Variants in CNTNAP2 observed in about 807,000 individuals in gnomAD.
CNTNAP2 encodes contactin associated protein 2.
CNTNAP2 carries 98 observed loss-of-function variants against 155.2 expected under a neutral mutation model. That is an observed-to-expected ratio of 0.63 (90% CI 0.54 to 0.75). The LOEUF is 0.75. Among genes scored for constraint, CNTNAP2 ranks in the 30% least tolerant of loss-of-function variants. The pLI is 0.00. For missense variants in CNTNAP2, 1,727 were observed against 1,688.1 expected (o/e 1.02, Z -0.40); for synonymous variants, 651 against 631.2 (o/e 1.03, Z -0.47).
At chr7:147,392,762 T>G (rs1796742429) in intron 9 of CNTNAP2, among the ~76,000 whole-genome samples, 1 of 152,030 alleles carries the variant, frequency 6.6e-6, no homozygotes, top group African/African-American at 2.4e-5. Flanking sequence ...GCAGCACAAT[T>G]CACAATTGCA....
intron 1 of CNTNAP2, among the ~76,000 whole-genome samples, chr7:146,539,410 A>C (rs1463680199): frequency 1.3e-5 from 2 of 152,052 alleles, no homozygotes; most frequent in Non-Finnish European, 2.9e-5. Flanking sequence ...CAACCCATCC[A>C]AGCAGAAAAT....
intron 3 of CNTNAP2, among the ~76,000 whole-genome samples, chr7:146,945,361 T>C (rs1013225016): frequency 6.6e-6 from 1 of 152,210 alleles, no homozygotes; most frequent in Non-Finnish European, 1.5e-5. Flanking sequence ...GGCACGTTTT[T>C]CTGTCTCAAC....
chr7:147,984,018 A>C (rs1801576601), intron 15 of CNTNAP2, among the ~76,000 whole-genome samples: 1 of 152,214 alleles, frequency 6.6e-6, no homozygotes, highest in African/African-American at 2.4e-5. Flanking sequence ...TCATTTCAAA[A>C]TATGGCAAAG....
intron 1 of CNTNAP2, among the ~76,000 whole-genome samples, chr7:146,766,073 TC>T (rs1169786234): frequency 4.6e-5 from 7 of 152,228 alleles, no homozygotes; most frequent in African/African-American, 1.7e-4. Flanking sequence ...CAGGAAGCCT[TC>T]AGGGCATGGC....
intron 20 of CNTNAP2, among the ~76,000 whole-genome samples, chr7:148,266,309 G>A (rs1563017928): frequency 6.6e-6 from 1 of 152,198 alleles, no homozygotes; most frequent in Non-Finnish European, 1.5e-5. Context: ...CATCTAGACT[G>A]TATAGGTGGT....
Position 146,936,055 on chromosome 7 carries a change from G to C in CNTNAP2, c.402+96151G>C, listed in dbSNP as rs115133434. ...GAGCTGAAAGAACTATGCAACCATGGGAAAACCGTAATCTATGAATGAGGT... is the reference window on the plus strand; with the variant it reads ...GAGCTGAAAGAACTATGCAACCATGCGAAAACCGTAATCTATGAATGAGGT... On this transcript the variant is annotated intron_variant, in intron 3 of 23. Coordinates refer to ENST00000361727, the MANE Select transcript of CNTNAP2 (RefSeq NM_014141.6). 3.9e-3 allele frequency among the ~76,000 whole-genome samples: 590 copies of C among 152,232 alleles called. 2 individuals are homozygous for C. Among genetic ancestry groups the C allele is most frequent in the African/African-American group, 0.014 (567 of 41,522 alleles).
At chr7:147,623,414 T>A (rs967723629) in intron 12 of CNTNAP2, among the ~76,000 whole-genome samples, 1 of 151,996 alleles carries the variant, frequency 6.6e-6, no homozygotes, top group East Asian at 1.9e-4. Context: ...AAAGTTGTAG[T>A]ATACAAAATC....
intron 4 of CNTNAP2, among the ~76,000 whole-genome samples, chr7:147,099,991 G>T (rs80325050): frequency 1.3e-5 from 2 of 152,136 alleles, no homozygotes; most frequent in Admixed American, 1.3e-4. Flanking sequence ...TTCAGAAATT[G>T]TTATTATTTC....
chr7:146,479,454 C>A (rs973508575), intron 1 of CNTNAP2, among the ~76,000 whole-genome samples: 18 of 152,032 alleles, frequency 1.2e-4, no homozygotes, highest in Admixed American at 6.5e-5. Flanking sequence ...AGCTATATCA[C>A]ATAAATTTAT....
rs146914844 is a variant in CNTNAP2 at position 146,759,646 on chromosome 7, C to T, written c.98-14625C>T. ...GGAGTCAGAGGAGCTGAGATCACGC[C>T]ACAGCACTCCATCCTGGCAACACAG... On this transcript the variant is annotated intron_variant, in intron 1 of 23. Transcript: ENST00000361727. 3.3e-4 allele frequency among the ~76,000 whole-genome samples: 41 copies of T among 124,808 alleles called. 1 individual carries two copies. In the East Asian group the frequency reaches 9.7e-3, roughly 29 times the overall value. The allele number at this position is 124,808 out of a possible 152,430, so 81.9% of individuals were successfully genotyped here.
At chr7:147,599,860 A>G (rs1192478359) in intron 12 of CNTNAP2, among the ~76,000 whole-genome samples, 2 of 152,216 alleles carry the variant, frequency 1.3e-5, no homozygotes, top group African/African-American at 2.4e-5. Flanking sequence ...ATAAGATCAC[A>G]TTCACAGTTT....
At chr7:146,904,117 C>T (rs910900454) in intron 3 of CNTNAP2, among the ~76,000 whole-genome samples, 2 of 152,038 alleles carry the variant, frequency 1.3e-5, no homozygotes, top group East Asian at 3.9e-4. Flanking sequence ...CAAAATAGCC[C>T]ACAATATCTT....
intron 13 of CNTNAP2, among the ~76,000 whole-genome samples, chr7:147,649,740 G>A (rs971174177): frequency 2.0e-5 from 3 of 151,616 alleles, no homozygotes; most frequent in Non-Finnish European, 2.9e-5. Context: ...ATGAAGAAAC[G>A]GCTATTATCC....
intron 18 of CNTNAP2, among the ~76,000 whole-genome samples, chr7:148,183,393 G>T (rs750144703): frequency 6.7e-6 from 1 of 148,904 alleles, no homozygotes; most frequent in Non-Finnish European, 1.5e-5. Context: ...AAAGTCTAAA[G>T]ACAAAAGTTT....
At chr7:146,921,790 A>T (rs1796505275) in intron 3 of CNTNAP2, among the ~76,000 whole-genome samples, 1 of 152,126 alleles carries the variant, frequency 6.6e-6, no homozygotes, top group African/African-American at 2.4e-5. Context: ...AAGGAAAGCA[A>T]GGGTGGGAAA....
chr7:148,253,946 C>T (rs1044647202), intron 20 of CNTNAP2, among the ~76,000 whole-genome samples: 2 of 151,946 alleles, frequency 1.3e-5, no homozygotes, highest in Non-Finnish European at 2.9e-5. Context: ...TAGCAAGGGC[C>T]GACTTTGCAT....
In CNTNAP2 at chr7:147,910,074, C is replaced by T. The variant is rs535955323; in HGVS notation, c.2255+6353C>T. On this transcript the variant is annotated intron_variant, in intron 14 of 23. Transcript: ENST00000361727. ...AGGGGAGTTAACTAAAAAATATCTT[C>T]GATATTTCAAAGCCAGAAACATATT... 1.4e-3 allele frequency among the ~76,000 whole-genome samples: 212 copies of T among 152,202 alleles called. 1 individual carries two copies. Among genetic ancestry groups the T allele is most frequent in the African/African-American group, 4.3e-3 (178 of 41,524 alleles).
intron 1 of CNTNAP2, among the ~76,000 whole-genome samples, chr7:146,214,426 C>T (rs1799083178): frequency 1.3e-5 from 2 of 152,104 alleles, no homozygotes; most frequent in Admixed American, 6.6e-5. Context: ...TTGTTATTTC[C>T]AGAAGGGAAA....
chr7:147,325,969 C>T (rs1319854680), intron 9 of CNTNAP2, among the ~76,000 whole-genome samples: 1 of 152,156 alleles, frequency 6.6e-6, no homozygotes, highest in Non-Finnish European at 1.5e-5. Flanking sequence ...GTAGCCCTGG[C>T]TGGAGTGCAG....
Sources: allele counts gnomAD v4.1 joint callset (sites outside exome capture counted in the v4.1 genomes callset), GRCh38; gene constraint gnomAD v4.1.1; transcripts MANE v1.5; gene names NCBI Gene and HGNC (gene_info 2026-07-23, HGNC 2026-07-21).